Variants in ATP6V0A2 observed in about 807,000 individuals in gnomAD.
The protein encoded by ATP6V0A2 is ATPase H+ transporting V0 subunit a2.
Under a neutral mutation model 104.4 loss-of-function variants are expected in ATP6V0A2, and 58 were observed. The ratio of observed to expected loss-of-function variants is 0.56; its 90% CI spans 0.45 to 0.69. ATP6V0A2 has a LOEUF of 0.69. Ranked by LOEUF, ATP6V0A2 falls within the 30% of genes least tolerant of loss-of-function variation. ATP6V0A2 has a pLI of 0.00. For missense variants in ATP6V0A2, 938 were observed against 1,062.9 expected (o/e 0.88, Z 1.63); for synonymous variants, 376 against 397.9 (o/e 0.95, Z 0.65).
At chr12:123,725,362 T>C (rs1479298810) in intron 4 of ATP6V0A2, among the ~76,000 whole-genome samples, 1 of 152,202 alleles carries the variant, frequency 6.6e-6, no homozygotes, top group East Asian at 1.9e-4. Context: ...TATAAGATGG[T>C]TTAGTTTGTG....
rs1214172290 is a variant in ATP6V0A2 at position 123,722,368 on chromosome 12, A to AT, written c.216dup (p.Asn73Ter). ...TTTCACAGTGTATTTGGTACAGGAA[A>AT]TTAATAGAGCTGATATTCCCCTTCC... On this transcript the variant is annotated frameshift_variant, in exon 3 of 20. Transcript: ENST00000330342. LOFTEE classifies it high-confidence loss of function. 2 of 1,606,628 alleles carry AT rather than the reference A, an allele frequency of 1.2e-6. No individual in the cohort carries two copies. Among genetic ancestry groups the AT allele is most frequent in the Non-Finnish European group, 1.7e-6 (2 of 1,173,268 alleles).
chr12:123,744,348 A>T lies in ATP6V0A2; in HGVS notation c.1326+11A>T, dbSNP rs1304380916. ...AATCAGTCACAAGAGGTAAAAATAT[A>T]AACACTCCAGCTCATATATCTGGTT... On this transcript the variant is annotated intron_variant, in intron 11 of 19. Coordinates refer to ENST00000330342, the MANE Select transcript of ATP6V0A2 (RefSeq NM_012463.4). This position sits in a 1 kb window ranked among gnomAD's most constrained non-coding sequence, Gnocchi z 5.4. 1.2e-6 allele frequency: 2 copies of T among 1,614,092 alleles called. No homozygotes were observed. The highest frequency in any genetic ancestry group is 2.7e-5 in the African/African-American group (2 of 74,936).
At chr12:123,753,304 A>T (rs758331037) in intron 17 of ATP6V0A2, among the ~76,000 whole-genome samples, 30 of 152,234 alleles carry the variant, frequency 2.0e-4, no homozygotes, top group Non-Finnish European at 7.3e-5. Flanking sequence ...CCCCTGGACC[A>T]GTGACTGCTA....
In ATP6V0A2 at chr12:123,742,620, T is replaced by C. The variant is rs975054013; in HGVS notation, c.1039-1165T>C. Among the ~76,000 whole-genome samples, 57 of 152,248 alleles carry C rather than the reference T, an allele frequency of 3.7e-4. 1 individual carries two copies. The highest frequency in any genetic ancestry group is 1.3e-3 in the African/African-American group (54 of 41,546). On this transcript the variant is annotated intron_variant, in intron 9 of 19. Transcript: ENST00000330342. ...GGGAGGCCGAGGTGGGCAGATCACC[T>C]GAGGTTAGGAGTTCGAGACCAGCCT...
Position 123,744,393 on chromosome 12 carries a change from C to T in ATP6V0A2, c.1326+56C>T, listed in dbSNP as rs924719710. 311 of 1,609,468 alleles carry T rather than the reference C, an allele frequency of 1.9e-4. 2 individuals carry two copies. Among genetic ancestry groups the T allele is most frequent in the East Asian group, 8.9e-5 (4 of 44,876 alleles). On this transcript the variant is annotated intron_variant, in intron 11 of 19. Coordinates refer to ENST00000330342, the MANE Select transcript of ATP6V0A2 (RefSeq NM_012463.4). This position sits in a 1 kb window ranked among gnomAD's most constrained non-coding sequence, Gnocchi z 5.4. ...CTGGTTAGGTGGCATTAGCAGTGACCGAAAGAGAGACACCTCTTAGATGTT... is the reference window on the plus strand; with the variant it reads ...CTGGTTAGGTGGCATTAGCAGTGACTGAAAGAGAGACACCTCTTAGATGTT...
intron 1 of ATP6V0A2, among the ~76,000 whole-genome samples, chr12:123,713,084 T>C (rs1342103857): frequency 2.0e-5 from 3 of 151,952 alleles, no homozygotes; most frequent in Non-Finnish European, 1.5e-5. Context: ...AACGGGGTGA[T>C]GTGAAGGTGA....
intron 3 of ATP6V0A2, chr12:123,724,447 T>G (rs1956428739): frequency 2.1e-6 from 1 of 468,436 alleles, no homozygotes; most frequent in Non-Finnish European, 4.0e-6. Flanking sequence ...GAGAATCGCT[T>G]GAACCCAGGA....
intron 14 of ATP6V0A2, among the ~76,000 whole-genome samples, chr12:123,748,150 C>T (rs1284534704): frequency 1.3e-5 from 2 of 152,124 alleles, no homozygotes; most frequent in African/African-American, 2.4e-5. Flanking sequence ...GAGATGGTGT[C>T]ATTTTTCTCT....
At chr12:123,751,034 G>A in intron 15 of ATP6V0A2, 76 bp from the exon 16 acceptor site, 1 of 1,593,208 alleles carries the variant, frequency 6.3e-7, no homozygotes, top group Non-Finnish European at 8.6e-7. Context: ...GATCTTTCCT[G>A]ATTTCATCGT....
intron 6 of ATP6V0A2, chr12:123,732,925 A>G (rs1298471621): frequency 1.3e-5 from 2 of 152,192 alleles, no homozygotes; most frequent in African/African-American, 2.4e-5. Flanking sequence ...CCTAGCACCT[A>G]TAATAGTGCC....
chr12:123,738,099 C>T (rs1044144190), intron 9 of ATP6V0A2, among the ~76,000 whole-genome samples: 2 of 151,952 alleles, frequency 1.3e-5, no homozygotes, highest in African/African-American at 4.8e-5. Context: ...AGGGGAATAC[C>T]TTTTTTTTGT....
At position 123,718,683 on chromosome 12, in the gene ATP6V0A2, G is replaced by C. The variant is rs1389620222; in HGVS notation, c.178G>C (p.Glu60Gln). ...TGTTGGTGAGGTGAAGAGGTGTGAAGAGCTAGAGCGAATATTGGGTAAGTT... is the reference window on the plus strand; with the variant it reads ...TGTTGGTGAGGTGAAGAGGTGTGAACAGCTAGAGCGAATATTGGGTAAGTT... ...KFVGEVKRCE[E>Q]LERILVYLVQ... Residue 60 changes from glutamate to glutamine, a missense_variant, in exon 2 of 20, where the codon GAG becomes CAG. Glu to Gln is a conservative substitution (Grantham distance 29, BLOSUM62 2). Coordinates refer to ENST00000330342, the MANE Select transcript of ATP6V0A2 (RefSeq NM_012463.4). 1 of 1,611,352 alleles carries C rather than the reference G, an allele frequency of 6.2e-7. No individual in the cohort carries two copies. The highest frequency in any genetic ancestry group is 1.1e-5 in the South Asian group (1 of 90,490).
chr12:123,717,657 TGGCCTC>T (rs1956357547), intron 1 of ATP6V0A2, among the ~76,000 whole-genome samples: 1 of 151,998 alleles, frequency 6.6e-6, no homozygotes, highest in African/African-American at 2.4e-5. Flanking sequence ...TTGCCCAGGC[TGGCCTC>T]AAACTACTGG....
At chr12:123,733,304 ACT>A (rs1404896108) in intron 6 of ATP6V0A2, 3 of 125,924 alleles carry the variant, frequency 2.4e-5, no homozygotes, top group South Asian at 2.9e-4. Context: ...CAAGAGAGAG[ACT>A]CTGTCTCAAA....
chr12:123,717,462 T>G (rs934314880), intron 1 of ATP6V0A2, among the ~76,000 whole-genome samples: 2 of 149,300 alleles, frequency 1.3e-5, no homozygotes, highest in African/African-American at 5.0e-5. Context: ...TTTTTTTTTT[T>G]GAGACAGGCT....
At chr12:123,754,274 T>G (rs960906481) in intron 17 of ATP6V0A2, 146 bp from the exon 18 acceptor site, 1 of 696,362 alleles carries the variant, frequency 1.4e-6, no homozygotes. Context: ...GCGTCTGGGG[T>G]TTCTGTTCCT....
intron 19 of ATP6V0A2, among the ~76,000 whole-genome samples, chr12:123,757,698 G>A (rs1472815674): frequency 6.6e-6 from 1 of 152,128 alleles, no homozygotes; most frequent in African/African-American, 2.4e-5. Context: ...TTTGTGTGTT[G>A]GGCAGTGAGA....
intron 2 of ATP6V0A2, among the ~76,000 whole-genome samples, chr12:123,721,069 A>G (rs1956394592): frequency 6.6e-6 from 1 of 152,318 alleles, no homozygotes. Flanking sequence ...ATTAGGCCTG[A>G]TAATGACTAA....
chr12:123,744,567 C>T lies in ATP6V0A2; in HGVS notation c.1327-30C>T. On this transcript the variant is annotated intron_variant, in intron 11 of 19. Coordinates refer to ENST00000330342, the MANE Select transcript of ATP6V0A2 (RefSeq NM_012463.4). This position sits in a 1 kb window ranked among gnomAD's most constrained non-coding sequence, Gnocchi z 5.4. ...TGTCACATGGACACCCTCCAGTAAC[C>T]ATATTCTGCCCCCGCCTTGCCCTTC... The T allele has an allele frequency of 6.2e-7, 1 of 1,612,112 alleles. No individual in the cohort carries two copies. Among genetic ancestry groups the T allele is most frequent in the Non-Finnish European group, 8.5e-7 (1 of 1,179,944 alleles).
Sources: allele counts gnomAD v4.1 joint callset (sites outside exome capture counted in the v4.1 genomes callset), GRCh38; gene constraint gnomAD v4.1.1; non-coding constraint Gnocchi (gnomAD v3.1); transcripts MANE v1.5; gene names NCBI Gene and HGNC (gene_info 2026-07-23, HGNC 2026-07-21).